SLC7A2: variants seen among roughly 807,000 people sequenced by gnomAD.
SLC7A2 encodes the protein solute carrier family 7 member 2.
Under a neutral mutation model 58.9 loss-of-function variants are expected in SLC7A2, and 48 were observed. That is an observed-to-expected ratio of 0.82 (90% confidence interval 0.65 to 1.04). The LOEUF is 1.04. Among genes scored for constraint, SLC7A2 ranks in the 50% least tolerant of loss-of-function variants. The pLI is 0.00. For missense variants in SLC7A2, 1,029 were observed against 818.8 expected (o/e 1.26, Z -3.13); for synonymous variants, 363 against 314.5 (o/e 1.15, Z -1.63).
rs1335133385 is a variant in SLC7A2 at position 17,569,412 on chromosome 8, CAT to C, written c.*4267_*4268del. ...TTTACTTGTTTATAAAGTTCTCCCACATGTCCTTAAATATCAAGGGGGAAAGT... is the reference window on the plus strand; with the variant it reads ...TTTACTTGTTTATAAAGTTCTCCCACGTCCTTAAATATCAAGGGGGAAAGT... On this transcript the variant is annotated 3_prime_UTR_variant, in exon 13 of 13. Transcript: ENST00000494857. The C allele has an allele frequency of 6.6e-6, 1 of 152,204 alleles. No individual in the cohort carries two copies. The highest frequency in any genetic ancestry group is 2.4e-5 in the African/African-American group (1 of 41,452). 9.4% of individuals were successfully genotyped at this position (152,204 alleles called of 1,614,324 possible). A position where few individuals can be genotyped will look rare whatever the true frequency, so the allele number is the denominator to read the frequency against.
In SLC7A2 at chr8:17,562,117, G is replaced by T. The variant is rs1305570024; in HGVS notation, c.1671+7G>T. 1 of 1,570,386 alleles carries T rather than the reference G, an allele frequency of 6.4e-7. No individual in the cohort carries two copies. The highest frequency in any genetic ancestry group is 8.6e-7 in the Non-Finnish European group (1 of 1,156,202). On this transcript the variant is annotated splice_region_variant and intron_variant, in intron 11 of 12. Coordinates refer to ENST00000494857, the MANE Select transcript of SLC7A2 (RefSeq NM_001370338.1). ...GCAAAAAGTAGCCTTCATGGTATGT[G>T]TAATGAGGATTAGAGACCCAAAATA... is the stretch of plus-strand genomic sequence containing the variant.
intron 2 of SLC7A2, among the ~76,000 whole-genome samples, chr8:17,503,907 A>G (rs1296562637): frequency 1.3e-5 from 2 of 152,152 alleles, no homozygotes; most frequent in African/African-American, 4.8e-5. Context: ...TTCTGGGGAA[A>G]CCTAGAAGGA....
rs757615348 is a variant in SLC7A2, at chr8:17,548,752, C to G, written c.607C>G (p.Leu203Val). The G allele has an allele frequency of 1.2e-6, 2 of 1,613,724 alleles. No homozygotes were observed. The highest frequency in any genetic ancestry group is 1.7e-6 in the Non-Finnish European group (2 of 1,179,800). ...VFTAVNILVL[L>V]FVMVAGFVKG... Reference sequence around the variant, plus strand: ...CACAGCTGTTAATATTCTCGTCCTTCTGTTTGTGATGGTTGCTGGGTTTGT... The same window carrying G: ...CACAGCTGTTAATATTCTCGTCCTTGTGTTTGTGATGGTTGCTGGGTTTGT... Residue 203 changes from leucine (L) to valine (V), a missense_variant, in exon 5 of 13, where the codon CTG becomes GTG. Transcript: ENST00000494857.
intron 4 of SLC7A2, among the ~76,000 whole-genome samples, chr8:17,546,315 C>T (rs1356536843): frequency 1.3e-5 from 2 of 152,204 alleles, no homozygotes; most frequent in Non-Finnish European, 2.9e-5. Context: ...CATATCTTTC[C>T]TTTAATTATA....
intron 2 of SLC7A2, among the ~76,000 whole-genome samples, chr8:17,534,158 C>G (rs1174756125): frequency 6.6e-6 from 1 of 152,072 alleles, no homozygotes; most frequent in Non-Finnish European, 1.5e-5. Flanking sequence ...TTTATCCTGT[C>G]TATTATTGAT....
intron 2 of SLC7A2, among the ~76,000 whole-genome samples, chr8:17,533,357 C>G (rs76264240): frequency 0.023 from 3,516 of 152,298 alleles, 141 homozygotes; most frequent in African/African-American, 0.081. Context: ...GACTTTTCAG[C>G]AAAACCATAA....
rs778993651 is a variant in SLC7A2 at position 17,565,119 on chromosome 8, A to G, written c.1950A>G (p.Ile650Met). 2 of 1,613,102 alleles carry G rather than the reference A, an allele frequency of 1.2e-6. No homozygotes were observed. Among genetic ancestry groups the G allele is most frequent in the East Asian group, 2.2e-5 (1 of 44,852 alleles). Reference protein sequence around the residue: ...HHPRNLSSPFIFHEKTSEF With the variant: ...HHPRNLSSPFMFHEKTSEF ...CAAGAAATCTCAGTTCACCTTTCAT[A>G]TTCCATGAAAAGACAAGTGAATTCT... The change falls in exon 13 of 13, where the codon ATA (isoleucine) becomes ATG (methionine). Residue 650 changes from isoleucine to methionine, a missense_variant. Ile to Met is a conservative substitution (Grantham distance 10). Transcript: ENST00000494857.
chr8:17,494,656 T>G (rs1799916001), upstream of SLC7A2, among the ~76,000 whole-genome samples: 1 of 152,224 alleles, frequency 6.6e-6, no homozygotes, highest in Non-Finnish European at 1.5e-5. Flanking sequence ...TAGTCTGTCT[T>G]AAGAGACTCA....
chr8:17,525,294 A>T (rs1801179483), intron 2 of SLC7A2, among the ~76,000 whole-genome samples: 1 of 152,206 alleles, frequency 6.6e-6, no homozygotes, highest in South Asian at 2.1e-4. Flanking sequence ...TCAGATGGAT[A>T]TGCTAATTTG....
Position 17,538,808 on chromosome 8 carries a change from C to T in SLC7A2, c.-22-4510C>T, listed in dbSNP as rs17124788. 7,828 of 1,613,326 alleles carry T rather than the reference C, an allele frequency of 4.9e-3. 350 individuals carry two copies. The African/African-American group carries it at 0.092, about 19-fold the overall frequency. On this transcript the variant is annotated intron_variant, in intron 2 of 12. Coordinates refer to ENST00000494857, the MANE Select transcript of SLC7A2 (RefSeq NM_001370338.1). ...AACAGAAAGAGCAGATGTCTCACCACGAAACTAGCAACTGGAATGAAGATA... is the reference window on the plus strand; with the variant it reads ...AACAGAAAGAGCAGATGTCTCACCATGAAACTAGCAACTGGAATGAAGATA...
At chr8:17,513,834 G>T (rs1338560686) in intron 2 of SLC7A2, among the ~76,000 whole-genome samples, 1 of 151,960 alleles carries the variant, frequency 6.6e-6, no homozygotes, top group Non-Finnish European at 1.5e-5. Flanking sequence ...TTCATTCTCA[G>T]ATTAAGTTAT....
chr8:17,518,444 G>A (rs982280571), intron 2 of SLC7A2, among the ~76,000 whole-genome samples: 9 of 152,068 alleles, frequency 5.9e-5, no homozygotes, highest in African/African-American at 2.2e-4. Flanking sequence ...CTATTTATTG[G>A]TAGGAGCTGC....
chr8:17,548,667 T>C lies in SLC7A2; in HGVS notation c.533-11T>C. ...AAGCTAAATAAAAATTGAAATGCCCTTTTTCCATAGGTCTTTTGTCTTTTG... is the reference window on the plus strand; with the variant it reads ...AAGCTAAATAAAAATTGAAATGCCCCTTTTCCATAGGTCTTTTGTCTTTTG... On this transcript the variant is annotated splice_polypyrimidine_tract_variant and intron_variant, in intron 4 of 12. Coordinates refer to ENST00000494857, the MANE Select transcript of SLC7A2 (RefSeq NM_001370338.1). The C allele has an allele frequency of 4.4e-6, 7 of 1,581,814 alleles. No individual in the cohort carries two copies. Among genetic ancestry groups the C allele is most frequent in the Non-Finnish European group, 6.0e-6 (7 of 1,164,094 alleles).
chr8:17,497,000 C>G (rs1160398040), upstream of SLC7A2: 1 of 143,016 alleles, frequency 7.0e-6, no homozygotes, highest in African/African-American at 2.5e-5. Flanking sequence ...GGTCGCGTTC[C>G]GGGAGCGCGG....
At chr8:17,514,669 G>C (rs1336089722) in intron 2 of SLC7A2, among the ~76,000 whole-genome samples, 6 of 152,028 alleles carry the variant, frequency 3.9e-5, no homozygotes, top group Non-Finnish European at 8.8e-5. Context: ...CATTTCTTAG[G>C]CTAGCTTTAC....
At chr8:17,533,053 G>A (rs1801522628) in intron 2 of SLC7A2, among the ~76,000 whole-genome samples, 1 of 152,076 alleles carries the variant, frequency 6.6e-6, no homozygotes, top group African/African-American at 2.4e-5. Context: ...AATGGTTCTT[G>A]GTTTGCATGT....
At chr8:17,520,171 A>G (rs971588434) in intron 2 of SLC7A2, among the ~76,000 whole-genome samples, 2 of 152,224 alleles carry the variant, frequency 1.3e-5, no homozygotes, top group Non-Finnish European at 2.9e-5. Context: ...TGTGTAACCA[A>G]TTGCAAACAT....
intron 2 of SLC7A2, among the ~76,000 whole-genome samples, chr8:17,536,360 T>C (rs1801665767): frequency 1.3e-5 from 2 of 151,850 alleles, no homozygotes; most frequent in South Asian, 4.2e-4. Context: ...AGGTCAGGAG[T>C]TCGAAACCAG....
chr8:17,556,954 T>C (rs1329464263), intron 8 of SLC7A2, among the ~76,000 whole-genome samples: 1 of 152,122 alleles, frequency 6.6e-6, no homozygotes, highest in African/African-American at 2.4e-5. Flanking sequence ...AGAAACACTG[T>C]GATCTTGTAG....
Sources: allele counts gnomAD v4.1 joint callset (sites outside exome capture counted in the v4.1 genomes callset), GRCh38; gene constraint gnomAD v4.1.1; transcripts MANE v1.5; gene names NCBI Gene and HGNC (gene_info 2026-07-23, HGNC 2026-07-21).